The following PLXNA4 variants were observed in gnomAD, a reference collection of about 807,000 sequenced individuals.
The protein encoded by PLXNA4 is plexin A4, also known as plexin-A4.
Under a neutral mutation model 191.8 loss-of-function variants are expected in PLXNA4, and 44 were observed. That is an observed-to-expected ratio of 0.23 (90% CI 0.18 to 0.29). The LOEUF is 0.29. PLXNA4 is among the 10% of genes least tolerant of loss of function. The pLI is 1.00. For synonymous variants in PLXNA4, 1,082 were observed against 1,009.5 expected, an observed-to-expected ratio of 1.07 and a Z score of -1.36; for missense variants, 1,800 against 2,488.8, an observed-to-expected ratio of 0.72 and a Z score of 5.89.
chr7:132,562,821 TCC>T (rs1290956835), intron 1 of PLXNA4, among the ~76,000 whole-genome samples: 18 of 117,330 alleles, frequency 1.5e-4, no homozygotes, highest in Non-Finnish European at 1.8e-4. Flanking sequence ...CTCCTTCTCC[TCC>T]TCCTTCTCCT....
intron 3 of PLXNA4, among the ~76,000 whole-genome samples, chr7:132,342,991 A>G (rs1803097817): frequency 1.3e-5 from 2 of 151,830 alleles, no homozygotes. Flanking sequence ...GAAGATATTT[A>G]CACAAGGGAT....
At chr7:132,215,264 T>C (rs765677322) in intron 9 of PLXNA4, among the ~76,000 whole-genome samples, 24 of 152,292 alleles carry the variant, frequency 1.6e-4, no homozygotes, top group Non-Finnish European at 2.9e-5. Context: ...GGAAGTGACA[T>C]TGTAAAGTTG....
chr7:132,499,456 C>T (rs562591919), intron 2 of PLXNA4, among the ~76,000 whole-genome samples: 1 of 152,238 alleles, frequency 6.6e-6, no homozygotes, highest in Non-Finnish European at 1.5e-5. Flanking sequence ...GGTGCCACCT[C>T]TCTCCTTTTG....
intron 3 of PLXNA4, among the ~76,000 whole-genome samples, chr7:132,363,205 G>A (rs373606125): frequency 3.3e-5 from 5 of 152,080 alleles, no homozygotes; most frequent in African/African-American, 7.2e-5. Context: ...GGCTGGTCTC[G>A]AACTCCTGAC....
chr7:132,133,826 C>T (rs556883069), intron 30 of PLXNA4, among the ~76,000 whole-genome samples: 2 of 152,264 alleles, frequency 1.3e-5, no homozygotes, highest in Admixed American at 6.5e-5. Flanking sequence ...AGGGGGGTTG[C>T]GCAGTTTCTT....
intron 3 of PLXNA4, among the ~76,000 whole-genome samples, chr7:132,415,347 T>TGC (rs1794625139): frequency 1.3e-5 from 2 of 152,222 alleles, no homozygotes; most frequent in South Asian, 4.1e-4. Flanking sequence ...CGTGTGTGTG[T>TGC]GCACGGGTAT....
rs1801515293 is a variant in PLXNA4, at chr7:132,306,181, C to T, written c.1372-7959G>A. 2.0e-5 allele frequency among the ~76,000 whole-genome samples: 3 copies of T among 152,152 alleles called. 1 individual carries two copies. The South Asian group carries it at 6.2e-4, about 32-fold the overall frequency. ...GGAGGCGCCCCATATTCCAGCCATG[C>T]CAGAGCCAGAGTTAGGCCTTGAAGT... is the stretch of plus-strand genomic sequence containing the variant. On this transcript the variant is annotated intron_variant, in intron 3 of 31. Transcript: ENST00000321063.
intron 2 of PLXNA4, among the ~76,000 whole-genome samples, chr7:132,595,114 G>A (rs1017722362): frequency 6.6e-6 from 1 of 152,018 alleles, no homozygotes; most frequent in Non-Finnish European, 1.5e-5. Flanking sequence ...CTAGACTCTA[G>A]TCACCATCTC....
intron 3 of PLXNA4, among the ~76,000 whole-genome samples, chr7:132,343,861 G>C (rs926692805): frequency 1.4e-4 from 21 of 152,184 alleles, no homozygotes; most frequent in African/African-American, 5.1e-4. Flanking sequence ...AGGTTTCAGT[G>C]AGCTGAGATC....
At chr7:132,463,582 T>C (rs1428023276) in intron 3 of PLXNA4, among the ~76,000 whole-genome samples, 2 of 152,206 alleles carry the variant, frequency 1.3e-5, no homozygotes, top group African/African-American at 4.8e-5. Flanking sequence ...ACCAGCCCGT[T>C]TGTTGAATCC....
chr7:132,414,324 G>A (rs1465106590), intron 3 of PLXNA4, among the ~76,000 whole-genome samples: 2 of 152,186 alleles, frequency 1.3e-5, no homozygotes, highest in African/African-American at 4.8e-5. Context: ...TAATGGTTTG[G>A]TTTATTGGAA....
intron 3 of PLXNA4, among the ~76,000 whole-genome samples, chr7:132,343,783 G>T (rs972652552): frequency 1.3e-5 from 2 of 152,134 alleles, no homozygotes; most frequent in African/African-American, 4.8e-5. Context: ...TGGGCATGGT[G>T]GTGCACACCT....
chr7:132,491,536 A>G (rs1368344581), intron 2 of PLXNA4, among the ~76,000 whole-genome samples: 1 of 152,144 alleles, frequency 6.6e-6, no homozygotes, highest in Non-Finnish European at 1.5e-5. Flanking sequence ...CCACGTGTAG[A>G]GCAGACATCC....
intron 3 of PLXNA4, among the ~76,000 whole-genome samples, chr7:132,411,340 C>A (rs1794452014): frequency 6.6e-6 from 1 of 152,178 alleles, no homozygotes; most frequent in African/African-American, 2.4e-5. Flanking sequence ...CCTGTTCGGG[C>A]TTCACCCTGG....
At chr7:132,627,726 C>A (rs1803409909) in intron 2 of PLXNA4, among the ~76,000 whole-genome samples, 1 of 152,128 alleles carries the variant, frequency 6.6e-6, no homozygotes, top group African/African-American at 2.4e-5. Context: ...CTTCTTCCAC[C>A]ATATGAGGAC....
At chr7:132,324,650 A>G (rs1802292972) in intron 3 of PLXNA4, among the ~76,000 whole-genome samples, 1 of 152,196 alleles carries the variant, frequency 6.6e-6, no homozygotes, top group Non-Finnish European at 1.5e-5. Context: ...TGGGAAGGGA[A>G]TGAGGGTCGG....
chr7:132,452,180 CA>C (rs1171029810), intron 3 of PLXNA4, among the ~76,000 whole-genome samples: 2 of 152,178 alleles, frequency 1.3e-5, no homozygotes, highest in Non-Finnish European at 2.9e-5. Flanking sequence ...AGGATAATTC[CA>C]AAGGAAATCA....
In PLXNA4 at chr7:132,228,420, C is replaced by T; in HGVS notation, c.1654G>A (p.Ala552Thr). 14 of 1,614,180 alleles carry T rather than the reference C, an allele frequency of 8.7e-6. No homozygotes were observed. Among genetic ancestry groups the T allele is most frequent in the Non-Finnish European group, 1.2e-5 (14 of 1,180,030 alleles). ...CERSKEPRRF[A>T]SEMKQCVRLT... ...CGGACACACTGCTTCATCTCCGAGG[C>T]AAACCTGCGGGGCTCCTTGGACCGC... The change falls in exon 6 of 32, where the codon GCC becomes ACC. Residue 552 changes from alanine (A) to threonine (T), a missense_variant. Around this residue, in one of 6 missense-constraint regions of PLXNA4, gnomAD observed 1,397 missense variants for 1,880.4 expected, o/e 0.74. Transcript: ENST00000321063.
At chr7:132,145,019 G>A in intron 29 of PLXNA4, 100 bp downstream of exon 29, 1 of 1,559,190 alleles carries the variant, frequency 6.4e-7, no homozygotes, top group Non-Finnish European at 8.7e-7. Flanking sequence ...AACAGGCTCT[G>A]GCCAGCCCTT....
Sources: gnomAD v4.1 joint callset for allele counts (sites outside exome capture counted in the v4.1 genomes callset) on GRCh38, gnomAD v4.1.1 for gene constraint, gnomAD v4.1.1 regional missense constraint, MANE v1.5 for transcripts, NCBI Gene and HGNC (gene_info 2026-07-23, HGNC 2026-07-21) for gene names.